EVA1A: variants seen among roughly 807,000 people sequenced by gnomAD.
EVA1A encodes the protein eva-1 homolog A, regulator of programmed cell death.
A neutral mutation model predicts 9.8 loss-of-function variants in EVA1A; 7 were observed. The observed-to-expected ratio is 0.71, with a 90% confidence interval of 0.41 to 1.34. The LOEUF (loss-of-function observed/expected upper bound fraction) is 1.34, where lower values mean the gene tolerates loss of function less well. EVA1A is among the 40% of genes most tolerant of loss of function. The probability of loss-of-function intolerance (pLI) is 0.01; values close to 1 mark genes in which losing one functional copy is unlikely to be tolerated. For synonymous variants in EVA1A, 90 were observed against 85.6 expected (o/e 1.05, Z -0.28); for missense variants, 206 against 205.9 (o/e 1.00, Z 0.00).
chr2:75,565,499 G>A (rs943302495), upstream of EVA1A, among the ~76,000 whole-genome samples: 5 of 152,060 alleles, frequency 3.3e-5, no homozygotes, highest in Non-Finnish European at 2.9e-5. Flanking sequence ...TTTCTCTGCC[G>A]TAAGTGACTG....
upstream of EVA1A, among the ~76,000 whole-genome samples, chr2:75,565,051 A>G (rs913249934): frequency 2.0e-5 from 3 of 152,158 alleles, no homozygotes; most frequent in Non-Finnish European, 4.4e-5. Flanking sequence ...ATATGTCCCG[A>G]TATGTCCTCA....
chr2:75,526,562 T>C (rs1020142435), intron 1 of EVA1A, among the ~76,000 whole-genome samples: 7 of 152,072 alleles, frequency 4.6e-5, no homozygotes, highest in Non-Finnish European at 1.0e-4. Context: ...AGCTAGAAAA[T>C]GGTAAAGTTG....
At chr2:75,557,550 A>G (rs1676759158) in intron 1 of EVA1A, among the ~76,000 whole-genome samples, 1 of 152,196 alleles carries the variant, frequency 6.6e-6, no homozygotes, top group Middle Eastern at 3.2e-3. Context: ...AATTGGTTTC[A>G]CCAATATTTA....
chr2:75,520,429 T>C (rs1675193865), intron 2 of EVA1A, among the ~76,000 whole-genome samples: 1 of 152,242 alleles, frequency 6.6e-6, no homozygotes, highest in African/African-American at 2.4e-5. Context: ...TCACTCTTCC[T>C]GATTTCAAAA....
chr2:75,550,728 TC>T (rs1325511898), intron 1 of EVA1A, among the ~76,000 whole-genome samples: 1 of 152,208 alleles, frequency 6.6e-6, no homozygotes, highest in Non-Finnish European at 1.5e-5. Flanking sequence ...ATGGAAGCCA[TC>T]CAGAATATGA....
chr2:75,511,316 C>T (rs2103822275), intron 3 of EVA1A, among the ~76,000 whole-genome samples: 1 of 152,294 alleles, frequency 6.6e-6, no homozygotes, highest in South Asian at 2.1e-4. Flanking sequence ...CTTGAACATA[C>T]ATGTCATAGT....
intron 1 of EVA1A, among the ~76,000 whole-genome samples, chr2:75,545,432 A>G (rs1676295403): frequency 6.6e-6 from 1 of 152,182 alleles, no homozygotes; most frequent in African/African-American, 2.4e-5. Context: ...GATGAGAACC[A>G]TCTTCCCATA....
rs1259398004 is a variant in EVA1A at position 75,492,899 on chromosome 2, A to G, written c.*337T>C. 2 of 282,292 alleles carry G rather than the reference A, an allele frequency of 7.1e-6. No homozygotes were observed. Among genetic ancestry groups the G allele is most frequent in the Non-Finnish European group, 6.6e-6 (1 of 150,830 alleles). 17.5% of individuals were successfully genotyped at this position (282,292 alleles called of 1,614,324 possible). A position where few individuals can be genotyped will look rare whatever the true frequency, so the allele number is the denominator to read the frequency against. On this transcript the variant is annotated 3_prime_UTR_variant, in exon 4 of 4. Coordinates refer to ENST00000393913, the MANE Select transcript of EVA1A (RefSeq NM_001135032.2). The stretch of plus-strand genomic sequence containing the variant: ...TAATGATCTTTCCTTTTGCAAAGGA[A>G]TAACACAGAGCAAGGAAGTCTGCTG...
rs138614926 is a variant in EVA1A, at chr2:75,516,652, G to A, written c.85+1404C>T. Among the ~76,000 whole-genome samples the A allele has an allele frequency of 8.9e-4, 135 of 152,324 alleles. 2 individuals carry two copies. Among genetic ancestry groups the A allele is most frequent in the African/African-American group, 3.0e-3 (123 of 41,586 alleles). On this transcript the variant is annotated intron_variant, in intron 3 of 3. Transcript: ENST00000393913. ...TACCTCCTGTGCTGATCAGAGATCC[G>A]AAGTGCAGTGCTGTTTGCTCTCATG...
At chr2:75,536,325 C>A (rs1311912584) in intron 1 of EVA1A, among the ~76,000 whole-genome samples, 3 of 151,856 alleles carry the variant, frequency 2.0e-5, no homozygotes, top group African/African-American at 7.3e-5. Flanking sequence ...CAGAGCAAGA[C>A]CCTGTCTTAA....
chr2:75,494,813 T>C (rs932406546), intron 3 of EVA1A, among the ~76,000 whole-genome samples: 6 of 152,214 alleles, frequency 3.9e-5, no homozygotes, highest in Admixed American at 1.3e-4. Context: ...CAGTCACACA[T>C]TGAAAGCCAG....
At position 75,492,964 on chromosome 2, in the gene EVA1A, C is replaced by T. The variant is rs1465216095; in HGVS notation, c.*272G>A. Reference sequence around the variant, plus strand: ...CTCAGAAATCAAGAGAAACCACAGTCGCGTTTCTCCGATCTCCATCCACAG... The same window carrying T: ...CTCAGAAATCAAGAGAAACCACAGTTGCGTTTCTCCGATCTCCATCCACAG... On this transcript the variant is annotated 3_prime_UTR_variant, in exon 4 of 4. Coordinates refer to ENST00000393913, the MANE Select transcript of EVA1A (RefSeq NM_001135032.2). The T allele has an allele frequency of 1.2e-5, 5 of 433,508 alleles. No homozygotes were observed. Among genetic ancestry groups the T allele is most frequent in the Admixed American group, 4.0e-5 (1 of 25,024 alleles). 26.9% of individuals were successfully genotyped at this position (433,508 alleles called of 1,614,324 possible). A position where few individuals can be genotyped will look rare whatever the true frequency, so the allele number is the denominator to read the frequency against.
chr2:75,538,233 C>T (rs561537603), intron 1 of EVA1A, among the ~76,000 whole-genome samples: 2 of 152,130 alleles, frequency 1.3e-5, no homozygotes, highest in South Asian at 2.1e-4. Flanking sequence ...GAGGTTGCAC[C>T]ACTGGGAGCT....
At position 75,521,819 on chromosome 2, in the gene EVA1A, C is replaced by T. The variant is rs117235856; in HGVS notation, c.-69+546G>A. Among the ~76,000 whole-genome samples, 355 of 152,150 alleles carry T rather than the reference C, an allele frequency of 2.3e-3. 10 individuals carry two copies. In the East Asian group the frequency reaches 0.053, roughly 23 times the overall value. On this transcript the variant is annotated intron_variant, in intron 2 of 3. Coordinates refer to ENST00000393913, the MANE Select transcript of EVA1A (RefSeq NM_001135032.2). ...TACACTTAAAAGTAATTTAAGATGA[C>T]GAATTTTGTTATATGTATTTTACCA...
intron 1 of EVA1A, among the ~76,000 whole-genome samples, chr2:75,530,003 G>A (rs542425397): frequency 1.3e-5 from 2 of 152,242 alleles, no homozygotes; most frequent in African/African-American, 4.8e-5. Flanking sequence ...GACCATTCAT[G>A]AGATTAACCA....
chr2:75,515,294 C>A (rs1674964762), intron 3 of EVA1A, among the ~76,000 whole-genome samples: 1 of 152,080 alleles, frequency 6.6e-6, no homozygotes, highest in Non-Finnish European at 1.5e-5. Flanking sequence ...TTGGAATGGT[C>A]AAGGTTTGAA....
chr2:75,503,067 T>C (rs545226797), intron 3 of EVA1A, among the ~76,000 whole-genome samples: 1 of 152,304 alleles, frequency 6.6e-6, no homozygotes, highest in South Asian at 2.1e-4. Flanking sequence ...CATCCCCTTT[T>C]GTCTCTAGCA....
chr2:75,508,314 C>T (rs1309068760), intron 3 of EVA1A, among the ~76,000 whole-genome samples: 1 of 152,148 alleles, frequency 6.6e-6, no homozygotes, highest in African/African-American at 2.4e-5. Context: ...TCTCTTCTTT[C>T]AAAAGCAAAT....
At chr2:75,531,331 C>T (rs1021142884) in intron 1 of EVA1A, among the ~76,000 whole-genome samples, 3 of 152,076 alleles carry the variant, frequency 2.0e-5, no homozygotes, top group Admixed American at 6.6e-5. Context: ...GACCACTATA[C>T]GACAGTACAG....
Sources: allele counts gnomAD v4.1 joint callset (sites outside exome capture counted in the v4.1 genomes callset), GRCh38; gene constraint gnomAD v4.1.1; transcripts MANE v1.5; gene names NCBI Gene and HGNC (gene_info 2026-07-23, HGNC 2026-07-21).